TCF12: variants seen among roughly 807,000 people sequenced by gnomAD.
TCF12 encodes the protein transcription factor 12.
Under a neutral mutation model 86.0 loss-of-function variants are expected in TCF12, and 45 were observed. The ratio of observed to expected loss-of-function variants is 0.52; its 90% confidence interval spans 0.41 to 0.67. The LOEUF (loss-of-function observed/expected upper bound fraction) is 0.67. TCF12 is among the 30% of genes least tolerant of loss of function. TCF12 has a pLI of 0.00. For missense variants in TCF12, 881 were observed against 859.9 expected (o/e 1.02, Z -0.31); for synonymous variants, 330 against 299.6 (o/e 1.10, Z -1.05).
intron 16 of TCF12, among the ~76,000 whole-genome samples, chr15:57,254,213 A>G (rs560437690): frequency 6.6e-6 from 1 of 152,302 alleles, no homozygotes; most frequent in East Asian, 1.9e-4. Flanking sequence ...TCTTCTACGA[A>G]GCAGATTTTT....
chr15:56,980,233 C>T (rs1469527875), intron 3 of TCF12, among the ~76,000 whole-genome samples: 6 of 152,170 alleles, frequency 3.9e-5, no homozygotes, highest in Admixed American at 3.3e-4. Context: ...GGGGTAGTGG[C>T]ATGCCCTTCC....
chr15:57,118,284 A>G (rs1227207006), intron 5 of TCF12: 1 of 152,204 alleles, frequency 6.6e-6, no homozygotes, highest in Non-Finnish European at 1.5e-5. Context: ...ATTCATTAGG[A>G]AAGAATTTTG....
chr15:57,178,029 C>T (rs2615250), intron 6 of TCF12, among the ~76,000 whole-genome samples: 1 of 152,126 alleles, frequency 6.6e-6, no homozygotes, highest in African/African-American at 2.4e-5. Context: ...TCCGTTTATT[C>T]TTTCGTAAAC....
At chr15:56,919,673 A>G (rs1221778507) in intron 1 of TCF12, 1 of 384,710 alleles carries the variant, frequency 2.6e-6, no homozygotes, top group Non-Finnish European at 4.7e-6. Context: ...CGCCGCGTCG[A>G]TCTCGGGCCG....
intron 6 of TCF12, among the ~76,000 whole-genome samples, chr15:57,178,575 T>C (rs564758946): frequency 6.6e-5 from 10 of 152,318 alleles, no homozygotes; most frequent in African/African-American, 2.4e-4. Context: ...GAAATAAGAT[T>C]TCATCTCCTG....
chr15:57,151,807 CT>C (rs1567523049), intron 5 of TCF12, among the ~76,000 whole-genome samples: 1 of 151,178 alleles, frequency 6.6e-6, no homozygotes, highest in Non-Finnish European at 1.5e-5. Context: ...AAACTTTTAA[CT>C]TTTTTGAACC....
intron 12 of TCF12, among the ~76,000 whole-genome samples, chr15:57,239,366 G>A (rs1349434633): frequency 6.6e-6 from 1 of 151,270 alleles, no homozygotes; most frequent in Non-Finnish European, 1.5e-5. Flanking sequence ...AAACAAAGAG[G>A]AAGAAAAATT....
intron 12 of TCF12, among the ~76,000 whole-genome samples, chr15:57,234,893 C>CATACTAG (rs2059318496): frequency 6.6e-6 from 1 of 152,064 alleles, no homozygotes; most frequent in South Asian, 2.1e-4. Flanking sequence ...TTAGAATTCC[C>CATACTAG]ACAGAATTGT....
intron 8 of TCF12, among the ~76,000 whole-genome samples, chr15:57,206,234 G>T (rs1370079535): frequency 6.6e-6 from 1 of 152,184 alleles, no homozygotes; most frequent in Non-Finnish European, 1.5e-5. Flanking sequence ...CAGGCGTGAT[G>T]GCTTATGCCT....
chr15:56,980,413 A>T (rs940475382), intron 3 of TCF12, among the ~76,000 whole-genome samples: 18 of 152,134 alleles, frequency 1.2e-4, no homozygotes, highest in Admixed American at 2.0e-4. Context: ...GCCGTGTAAG[A>T]ATCCGGGCAG....
chr15:56,927,524 T>C (rs2060067575), intron 3 of TCF12, among the ~76,000 whole-genome samples: 1 of 152,262 alleles, frequency 6.6e-6, no homozygotes, highest in African/African-American at 2.4e-5. Context: ...TGGCTTAAAA[T>C]AGTTGCATGC....
chr15:56,979,844 C>A (rs1187296719), intron 3 of TCF12, among the ~76,000 whole-genome samples: 1 of 152,104 alleles, frequency 6.6e-6, no homozygotes, highest in East Asian at 1.9e-4. Flanking sequence ...CCCTGAAAAT[C>A]TTCATTACTT....
intron 7 of TCF12, 121 bp downstream of exon 7, chr15:57,192,414 C>T (rs1422753228): frequency 2.2e-6 from 3 of 1,360,236 alleles, no homozygotes; most frequent in Non-Finnish European, 3.0e-6. Context: ...TTTAAGACAG[C>T]GTCTCACTCT....
At chr15:57,132,788 A>G (rs2052233067) in intron 5 of TCF12, among the ~76,000 whole-genome samples, 1 of 152,202 alleles carries the variant, frequency 6.6e-6, no homozygotes, top group Non-Finnish European at 1.5e-5. Context: ...CCCTGCCTAC[A>G]TCCTCTCTGA....
At chr15:57,113,057 C>T (rs1269489490) in intron 5 of TCF12, among the ~76,000 whole-genome samples, 1 of 152,214 alleles carries the variant, frequency 6.6e-6, no homozygotes, top group Non-Finnish European at 1.5e-5. Flanking sequence ...AGGATAAAGC[C>T]TCTAGGCTCC....
At chr15:57,108,828 A>T (rs991833063) in intron 5 of TCF12, among the ~76,000 whole-genome samples, 2 of 152,250 alleles carry the variant, frequency 1.3e-5, no homozygotes, top group Admixed American at 6.5e-5. Flanking sequence ...AAAAGTGTAC[A>T]AAGAGCCAAT....
At chr15:57,165,988 G>T (rs368306216) in intron 5 of TCF12, among the ~76,000 whole-genome samples, 3 of 151,688 alleles carry the variant, frequency 2.0e-5, no homozygotes, top group African/African-American at 7.3e-5. Flanking sequence ...AATACTATAC[G>T]TTGAAAATAA....
intron 6 of TCF12, among the ~76,000 whole-genome samples, chr15:57,167,380 G>A (rs1457324657): frequency 6.6e-6 from 1 of 152,130 alleles, no homozygotes; most frequent in Non-Finnish European, 1.5e-5. Flanking sequence ...GGGCAACATA[G>A]TGAGACCTTG....
chr15:56,990,870 C>G (rs2063423016), intron 3 of TCF12, among the ~76,000 whole-genome samples: 1 of 151,632 alleles, frequency 6.6e-6, no homozygotes, highest in African/African-American at 2.4e-5. Flanking sequence ...TCATGGCTCA[C>G]TGGAGCCTCT....
Sources: gnomAD v4.1 joint callset for allele counts (sites outside exome capture counted in the v4.1 genomes callset) on GRCh38, gnomAD v4.1.1 for gene constraint, MANE v1.5 for transcripts, NCBI Gene and HGNC (gene_info 2026-07-23, HGNC 2026-07-21) for gene names.